The following SLC24A2 variants were observed in gnomAD, a reference collection of about 807,000 sequenced individuals.
The protein encoded by SLC24A2 is solute carrier family 24 member 2.
Under a neutral mutation model 62.0 loss-of-function variants are expected in SLC24A2, and 36 were observed. The ratio of observed to expected loss-of-function variants is 0.58; its 90% confidence interval spans 0.44 to 0.77. The LOEUF (loss-of-function observed/expected upper bound fraction) is 0.77. Ranked by LOEUF, SLC24A2 falls within the 30% of genes least tolerant of loss-of-function variation. The pLI, the probability that SLC24A2 is intolerant of heterozygous loss-of-function variation, is 0.00. For synonymous variants in SLC24A2, 358 were observed against 294.0 expected (o/e 1.22, Z -2.23); for missense variants, 846 against 817.9 (o/e 1.03, Z -0.42).
At chr9:19,576,377 G>C (rs1399819070) in intron 6 of SLC24A2, among the ~76,000 whole-genome samples, 2 of 152,158 alleles carry the variant, frequency 1.3e-5, no homozygotes, top group Non-Finnish European at 2.9e-5. Context: ...AAAGTCAGTG[G>C]AAAGAGACCT....
At chr9:20,034,326 C>T in the SLC24A2 span, among the ~76,000 whole-genome samples, 96,759 of 151,956 alleles carry the variant, frequency 0.64, 32,357 homozygotes, top group East Asian at 0.95. Context: ...GATGCCTAAA[C>T]TGATTTGAAA....
rs186001686 is a variant in SLC24A2, at chr9:19,726,167, C to T, written c.930+59770G>A. Among the ~76,000 whole-genome samples, 461 of 152,280 alleles carry T rather than the reference C, an allele frequency of 3.0e-3. 2 individuals are homozygous for T. The highest frequency in any genetic ancestry group is 5.7e-3 in the Non-Finnish European group (391 of 68,022). On this transcript the variant is annotated intron_variant, in intron 2 of 10. Transcript: ENST00000341998. Reference sequence around the variant, plus strand: ...TTTATAGTTCCTCAAAAACCAGTCTCCCTGGAGTCACCTCTTTGCGCACAA... The same window carrying T: ...TTTATAGTTCCTCAAAAACCAGTCTTCCTGGAGTCACCTCTTTGCGCACAA...
At chr9:19,856,112 G>T in the SLC24A2 span, among the ~76,000 whole-genome samples, 1 of 152,144 alleles carries the variant, frequency 6.6e-6, no homozygotes, top group East Asian at 1.9e-4. Context: ...AAGTTCTTGT[G>T]TTGTGTTTTT....
At chr9:19,919,255 TA>T in the SLC24A2 span, among the ~76,000 whole-genome samples, 1 of 152,086 alleles carries the variant, frequency 6.6e-6, no homozygotes, top group Admixed American at 6.5e-5. Flanking sequence ...GAGATGCACT[TA>T]GAGAACAATC....
chr9:19,631,143 T>C (rs1564006851), intron 2 of SLC24A2, among the ~76,000 whole-genome samples: 1 of 152,232 alleles, frequency 6.6e-6, no homozygotes, highest in Admixed American at 6.5e-5. Flanking sequence ...TATTCCACAG[T>C]ACCTAGCATA....
the SLC24A2 span, among the ~76,000 whole-genome samples, chr9:19,969,050 C>G: frequency 2.6e-5 from 4 of 152,094 alleles, no homozygotes; most frequent in Admixed American, 1.3e-4. Context: ...GTGTTTATAA[C>G]TAGCACGGAA....
the SLC24A2 span, among the ~76,000 whole-genome samples, chr9:20,161,757 TAC>T: frequency 0.047 from 6,903 of 147,136 alleles, 257 homozygotes; most frequent in Admixed American, 0.099. Flanking sequence ...AACATGAAGA[TAC>T]ACACACACAC....
chr9:19,675,000 A>G (rs1819521970), intron 2 of SLC24A2, among the ~76,000 whole-genome samples: 1 of 152,146 alleles, frequency 6.6e-6, no homozygotes, highest in South Asian at 2.1e-4. Context: ...CAGAGGGAAG[A>G]TCTGGGGCTC....
At chr9:20,231,695 C>T in the SLC24A2 span, among the ~76,000 whole-genome samples, 1 of 152,290 alleles carries the variant, frequency 6.6e-6, no homozygotes. Flanking sequence ...GACAATTTGA[C>T]TTCCTCTTTT....
the SLC24A2 span, among the ~76,000 whole-genome samples, chr9:19,829,463 TG>T: frequency 2.0e-5 from 3 of 152,188 alleles, no homozygotes; most frequent in Admixed American, 6.6e-5. Context: ...TGACATGGTT[TG>T]GCCAATGCCT....
the SLC24A2 span, among the ~76,000 whole-genome samples, chr9:20,230,328 G>C: frequency 6.6e-6 from 1 of 152,130 alleles, no homozygotes; most frequent in African/African-American, 2.4e-5. Context: ...CACAATGGTT[G>C]AACTAGTTTA....
the SLC24A2 span, chr9:19,895,743 G>A: frequency 6.8e-7 from 1 of 1,466,682 alleles, no homozygotes; most frequent in Non-Finnish European, 9.3e-7. Flanking sequence ...TGGAGTCAAG[G>A]GGCTGGGCGG....
rs558082876 is a variant in SLC24A2, at chr9:19,778,321, A to G, written c.930+7616T>C. ...GTCTGTATTGCTTTGCCTTCAAGGTATTTGCCATTCCTTAGCAGCCTAAAG... is the reference window on the plus strand; with the variant it reads ...GTCTGTATTGCTTTGCCTTCAAGGTGTTTGCCATTCCTTAGCAGCCTAAAG... On this transcript the variant is annotated intron_variant, in intron 2 of 10. Transcript: ENST00000341998. 2.0e-3 allele frequency among the ~76,000 whole-genome samples: 299 copies of G among 152,296 alleles called. 3 individuals carry two copies. The highest frequency in any genetic ancestry group is 2.7e-3 in the Non-Finnish European group (183 of 68,014).
intron 2 of SLC24A2, among the ~76,000 whole-genome samples, chr9:19,755,589 G>T (rs540908468): frequency 1.3e-5 from 2 of 152,172 alleles, no homozygotes; most frequent in Non-Finnish European, 2.9e-5. Context: ...CCTGTCCAAC[G>T]GTGCTGAAGG....
chr9:19,817,391 G>A, the SLC24A2 span, among the ~76,000 whole-genome samples: 1 of 151,820 alleles, frequency 6.6e-6, no homozygotes, highest in South Asian at 2.1e-4. Flanking sequence ...AAAAGTGGGT[G>A]GAATTTGGGT....
At chr9:20,205,671 A>AAAAC in the SLC24A2 span, among the ~76,000 whole-genome samples, 10 of 147,130 alleles carry the variant, frequency 6.8e-5, no homozygotes, top group African/African-American at 1.8e-4. Flanking sequence ...AAAAAAAAAA[A>AAAAC]AAACAAACAA....
At chr9:19,697,411 T>A (rs184778646) in intron 2 of SLC24A2, among the ~76,000 whole-genome samples, 2 of 152,254 alleles carry the variant, frequency 1.3e-5, no homozygotes, top group African/African-American at 4.8e-5. Context: ...AACCTGCACA[T>A]TCGGCATATG....
the SLC24A2 span, among the ~76,000 whole-genome samples, chr9:19,923,447 A>T: frequency 1.3e-5 from 2 of 152,082 alleles, no homozygotes; most frequent in Admixed American, 1.3e-4. Flanking sequence ...AAAAGCAGCC[A>T]CCCCTGCGCC....
At chr9:20,024,057 A>G in the SLC24A2 span, among the ~76,000 whole-genome samples, 1 of 152,194 alleles carries the variant, frequency 6.6e-6, no homozygotes, top group Non-Finnish European at 1.5e-5. Context: ...TTGTCTCTGT[A>G]AATCAATTTA....
Sources: allele counts gnomAD v4.1 joint callset (sites outside exome capture counted in the v4.1 genomes callset), GRCh38; gene constraint gnomAD v4.1.1; transcripts MANE v1.5; gene names NCBI Gene and HGNC (gene_info 2026-07-23, HGNC 2026-07-21).